The following KIFAP3 variants were observed in gnomAD, a reference collection of about 807,000 sequenced individuals.
KIFAP3 encodes the protein kinesin associated protein 3, also known as kinesin-associated protein 3.
KIFAP3 carries 68 observed loss-of-function variants against 106.5 expected under a neutral mutation model. The ratio of observed to expected loss-of-function variants is 0.64; its 90% CI spans 0.53 to 0.78. The LOEUF (loss-of-function observed/expected upper bound fraction) is 0.78. Among genes scored for constraint, KIFAP3 ranks in the 30% least tolerant of loss-of-function variants. The pLI, the probability that KIFAP3 is intolerant of heterozygous loss-of-function variation, is 0.00. For missense variants in KIFAP3, 780 were observed against 941.8 expected (o/e 0.83, Z 2.25); for synonymous variants, 320 against 311.5 (o/e 1.03, Z -0.29).
At chr1:169,933,430 T>C (rs913919980) in intron 19 of KIFAP3, among the ~76,000 whole-genome samples, 1 of 152,068 alleles carries the variant, frequency 6.6e-6, no homozygotes, top group Admixed American at 6.6e-5. Context: ...TGTTACATTA[T>C]GGGTTTCTTT....
At chr1:170,024,682 G>C in intron 8 of KIFAP3, 86 bp from the exon 9 acceptor site, 3 of 746,914 alleles carry the variant, frequency 4.0e-6, no homozygotes, top group Non-Finnish European at 6.0e-6. Context: ...CAAGGCAACA[G>C]AGATAGCCCT....
chr1:169,998,366 AC>A (rs1467264374), intron 10 of KIFAP3, among the ~76,000 whole-genome samples: 2 of 147,562 alleles, frequency 1.4e-5, no homozygotes, highest in Non-Finnish European at 3.0e-5. Context: ...TCGGACTACA[AC>A]TAGTGCTTCA....
intron 10 of KIFAP3, among the ~76,000 whole-genome samples, chr1:169,998,991 T>A (rs1200633745): frequency 2.0e-5 from 3 of 152,158 alleles, no homozygotes; most frequent in African/African-American, 7.2e-5. Flanking sequence ...CCTGAATTCA[T>A]CTATTCAAAC....
intron 10 of KIFAP3, among the ~76,000 whole-genome samples, chr1:170,013,753 A>G (rs1466156369): frequency 6.6e-6 from 1 of 152,154 alleles, no homozygotes; most frequent in African/African-American, 2.4e-5. Context: ...TTGCTCATCA[A>G]TGTTCCAGTT....
At chr1:169,999,019 G>A (rs1667529459) in intron 10 of KIFAP3, among the ~76,000 whole-genome samples, 1 of 152,162 alleles carries the variant, frequency 6.6e-6, no homozygotes, top group Non-Finnish European at 1.5e-5. Flanking sequence ...TGCAAAGAAA[G>A]TAAAGACTCT....
intron 2 of KIFAP3, among the ~76,000 whole-genome samples, chr1:170,051,699 A>G (rs1296015635): frequency 6.6e-6 from 1 of 152,160 alleles, no homozygotes; most frequent in Non-Finnish European, 1.5e-5. Flanking sequence ...CTCACTCAAA[A>G]CCACATAACT....
chr1:170,049,221 G>A (rs1178306057), intron 2 of KIFAP3, among the ~76,000 whole-genome samples: 2 of 152,208 alleles, frequency 1.3e-5, no homozygotes, highest in East Asian at 3.9e-4. Context: ...TTTGGACTGG[G>A]TAGAATTCAC....
chr1:169,967,216 A>C (rs1186101358), intron 17 of KIFAP3, among the ~76,000 whole-genome samples: 2 of 151,914 alleles, frequency 1.3e-5, no homozygotes. Flanking sequence ...AGACTAAAAA[A>C]TGTGAGAAAG....
At chr1:170,080,728 C>A (rs1054797661) in intron 1 of KIFAP3, among the ~76,000 whole-genome samples, 1 of 152,064 alleles carries the variant, frequency 6.6e-6, no homozygotes, top group Non-Finnish European at 1.5e-5. Context: ...GTTACATCTT[C>A]CATAAATGTA....
At chr1:170,073,898 G>C (rs1287050986) in intron 1 of KIFAP3, among the ~76,000 whole-genome samples, 1 of 152,094 alleles carries the variant, frequency 6.6e-6, no homozygotes, top group Non-Finnish European at 1.5e-5. Flanking sequence ...TGTATACATG[G>C]GAGTCAAATG....
intron 3 of KIFAP3, among the ~76,000 whole-genome samples, chr1:170,043,697 T>A (rs1202764031): frequency 6.6e-6 from 1 of 152,090 alleles, no homozygotes; most frequent in Non-Finnish European, 1.5e-5. Context: ...TCAAGAAATA[T>A]AATGAATGAA....
intron 2 of KIFAP3, among the ~76,000 whole-genome samples, chr1:170,052,059 GT>G (rs1670602461): frequency 6.6e-6 from 1 of 151,876 alleles, no homozygotes; most frequent in Admixed American, 6.6e-5. Flanking sequence ...TCTAGGAGCT[GT>G]TTTTTCAAAA....
At chr1:170,058,345 A>T (rs569870666) in intron 1 of KIFAP3, among the ~76,000 whole-genome samples, 2 of 152,346 alleles carry the variant, frequency 1.3e-5, no homozygotes, top group South Asian at 2.1e-4. Flanking sequence ...CCATAGAGCA[A>T]ATAACAGAGC....
chr1:169,943,133 A>G (rs929968223), intron 19 of KIFAP3, among the ~76,000 whole-genome samples: 1 of 152,114 alleles, frequency 6.6e-6, no homozygotes, highest in Non-Finnish European at 1.5e-5. Flanking sequence ...AATAAGTGCA[A>G]ATCAGTTTAC....
chr1:170,014,220 C>T (rs1197515458), intron 10 of KIFAP3, among the ~76,000 whole-genome samples: 3 of 152,126 alleles, frequency 2.0e-5, no homozygotes, highest in Admixed American at 6.5e-5. Context: ...TATAACCTAC[C>T]GAGCTCAAAA....
intron 11 of KIFAP3, 65 bp from the exon 12 acceptor site, chr1:169,984,755 A>G (rs1207292631): frequency 1.3e-6 from 1 of 780,946 alleles, no homozygotes; most frequent in East Asian, 2.5e-5. Context: ...CACAGAAGCA[A>G]TATTTTTATC....
chr1:170,061,921 C>A (rs1046598692), intron 1 of KIFAP3, among the ~76,000 whole-genome samples: 7 of 152,010 alleles, frequency 4.6e-5, no homozygotes, highest in Admixed American at 2.6e-4. Context: ...GGACAGAAAG[C>A]CAAATACCGC....
chr1:170,028,706 A>T (rs549659302), intron 8 of KIFAP3, among the ~76,000 whole-genome samples: 1 of 152,320 alleles, frequency 6.6e-6, no homozygotes, highest in Non-Finnish European at 1.5e-5. Context: ...TGGGAGAGGG[A>T]AGAAATGATT....
intron 19 of KIFAP3, among the ~76,000 whole-genome samples, chr1:169,945,576 T>C (rs765150242): frequency 1.3e-5 from 2 of 152,344 alleles, no homozygotes; most frequent in East Asian, 1.9e-4. Context: ...TTGGTTTTAT[T>C]TGGGAGCATC....
Sources: gnomAD v4.1 joint callset for allele counts (sites outside exome capture counted in the v4.1 genomes callset) on GRCh38, gnomAD v4.1.1 for gene constraint, MANE v1.5 for transcripts, NCBI Gene and HGNC (gene_info 2026-07-23, HGNC 2026-07-21) for gene names.